GIGYF2: variants seen among roughly 807,000 people sequenced by gnomAD.
The protein encoded by GIGYF2 is GRB10 interacting GYF protein 2.
A neutral mutation model predicts 208.1 loss-of-function variants in GIGYF2; 25 were observed. The observed-to-expected ratio is 0.12, with a 90% CI of 0.09 to 0.17. The LOEUF (loss-of-function observed/expected upper bound fraction) is 0.17, where lower values mean the gene tolerates loss of function less well. Among genes scored for constraint, GIGYF2 ranks in the 10% least tolerant of loss-of-function variants. GIGYF2 has a pLI of 1.00. For synonymous variants in GIGYF2, 534 were observed against 543.8 expected (o/e 0.98, Z 0.25); for missense variants, 1,302 against 1,579.4 (o/e 0.82, Z 2.98).
chr2:232,808,996 G>A (rs973261935), intron 15 of GIGYF2, among the ~76,000 whole-genome samples: 5 of 152,140 alleles, frequency 3.3e-5, no homozygotes, highest in African/African-American at 1.2e-4. Flanking sequence ...CCAGGCTGGA[G>A]TGCAGTGGCG....
chr2:232,721,412 T>C (rs927050511), intron 2 of GIGYF2, among the ~76,000 whole-genome samples: 3 of 152,228 alleles, frequency 2.0e-5, no homozygotes, highest in African/African-American at 7.2e-5. Flanking sequence ...TTTCTTGTGG[T>C]AACTTAAGCC....
intron 2 of GIGYF2, among the ~76,000 whole-genome samples, chr2:232,707,518 G>A (rs1477037854): frequency 6.6e-6 from 1 of 152,158 alleles, no homozygotes; most frequent in African/African-American, 2.4e-5. Flanking sequence ...ACCATGACCA[G>A]ATGTCTTCAG....
At chr2:232,810,052 A>G (rs1700686725) in intron 16 of GIGYF2, among the ~76,000 whole-genome samples, 1 of 152,184 alleles carries the variant, frequency 6.6e-6, no homozygotes, top group African/African-American at 2.4e-5. Flanking sequence ...CAGTGGCATG[A>G]TCTCGGCTCA....
chr2:232,837,568 G>C (rs1440146489), intron 22 of GIGYF2, among the ~76,000 whole-genome samples: 2 of 151,986 alleles, frequency 1.3e-5, no homozygotes, highest in Admixed American at 6.6e-5. Flanking sequence ...GATCCTCCTG[G>C]CCTCAGCCTC....
intron 2 of GIGYF2, among the ~76,000 whole-genome samples, chr2:232,710,694 T>G (rs1696351822): frequency 1.7e-5 from 1 of 59,540 alleles, no homozygotes; most frequent in Non-Finnish European, 3.4e-5. Context: ...TTGGTGTTCT[T>G]TTTTTTTTTT....
chr2:232,815,893 T>A (rs1700891912), intron 19 of GIGYF2, 156 bp downstream of exon 19: 2 of 616,340 alleles, frequency 3.2e-6, no homozygotes, highest in African/African-American at 1.9e-5. Context: ...TTTACTGTGC[T>A]CTCTTCTCCC....
intron 28 of GIGYF2, among the ~76,000 whole-genome samples, chr2:232,856,135 A>G (rs985141231): frequency 5.9e-5 from 9 of 151,842 alleles, no homozygotes; most frequent in Non-Finnish European, 8.8e-5. Flanking sequence ...AGGTTTCACT[A>G]TGTTAGCCAG....
At chr2:232,774,249 TG>T (rs1339696369) in intron 8 of GIGYF2, among the ~76,000 whole-genome samples, 1 of 152,222 alleles carries the variant, frequency 6.6e-6, no homozygotes. Context: ...GCTTAGCCTT[TG>T]TGAATAATAC....
At chr2:232,726,241 C>T (rs998191366) in intron 2 of GIGYF2, among the ~76,000 whole-genome samples, 4 of 151,868 alleles carry the variant, frequency 2.6e-5, no homozygotes, top group Admixed American at 6.6e-5. Flanking sequence ...TGGTGTTCGG[C>T]GCCTGTAATC....
chr2:232,776,408 TA>T, intron 8 of GIGYF2: 2 of 1,566,728 alleles, frequency 1.3e-6, no homozygotes, highest in Non-Finnish European at 1.8e-6. Flanking sequence ...CTGTTTCCCA[TA>T]AGGAAAGAAG....
chr2:232,777,048 T>A (rs1202203115), intron 8 of GIGYF2, among the ~76,000 whole-genome samples: 2 of 152,156 alleles, frequency 1.3e-5, no homozygotes, highest in African/African-American at 2.4e-5. Context: ...ATGGCTACCA[T>A]TAGTTCCAGA....
In GIGYF2 at chr2:232,776,642, T is replaced by C. The variant is rs1311131756; in HGVS notation, c.533-10508T>C. ...GCTGAGGTTGATGTGATTGGTCACT[T>C]AGCCTGCAGGGGGGCCAATTAGCTC... On this transcript the variant is annotated intron_variant, in intron 8 of 28. Coordinates refer to ENST00000373563, the MANE Select transcript of GIGYF2 (RefSeq NM_001103146.3). The C allele has an allele frequency of 8.2e-6, 5 of 606,722 alleles. No homozygotes were observed. In the African/African-American group the frequency reaches 9.2e-5, roughly 11 times the overall value. 37.6% of individuals were successfully genotyped at this position (606,722 alleles called of 1,614,324 possible).
intron 9 of GIGYF2, among the ~76,000 whole-genome samples, chr2:232,789,502 C>T (rs902132658): frequency 6.6e-6 from 1 of 152,076 alleles, no homozygotes; most frequent in Non-Finnish European, 1.5e-5. Flanking sequence ...TTCCTTAGTT[C>T]TCATAGGAAG....
intron 2 of GIGYF2, among the ~76,000 whole-genome samples, chr2:232,707,410 T>C (rs1696168162): frequency 6.6e-6 from 1 of 152,178 alleles, no homozygotes; most frequent in Admixed American, 6.5e-5. Flanking sequence ...GTCTTGGTAC[T>C]TTCTACTTGA....
intron 28 of GIGYF2, among the ~76,000 whole-genome samples, chr2:232,856,549 C>T (rs1050945086): frequency 1.2e-4 from 18 of 152,084 alleles, no homozygotes; most frequent in Admixed American, 3.3e-4. Context: ...AAAAATGAGA[C>T]GGGCATGGTG....
chr2:232,757,714 G>A (rs1456587926), intron 6 of GIGYF2, among the ~76,000 whole-genome samples: 2 of 151,274 alleles, frequency 1.3e-5, no homozygotes, highest in African/African-American at 2.4e-5. Context: ...TGGTGAAGAA[G>A]TGTGAATAAC....
At chr2:232,714,903 A>G (rs1696608542) in intron 2 of GIGYF2, among the ~76,000 whole-genome samples, 3 of 151,228 alleles carry the variant, frequency 2.0e-5, no homozygotes, top group South Asian at 4.2e-4. Context: ...CCCATTAGTT[A>G]TTTTTCCCGA....
chr2:232,824,669 G>C (rs11883745), intron 21 of GIGYF2, among the ~76,000 whole-genome samples: 11,416 of 152,298 alleles, frequency 0.075, 543 homozygotes, highest in East Asian at 0.17. Context: ...TGATGTAGAA[G>C]CTGCAGCAAG....
At chr2:232,783,136 A>G (rs1182667669) in intron 8 of GIGYF2, among the ~76,000 whole-genome samples, 1 of 152,210 alleles carries the variant, frequency 6.6e-6, no homozygotes, top group Non-Finnish European at 1.5e-5. Flanking sequence ...GGCTGTACTA[A>G]CAAAAGAGAG....
Sources: allele counts gnomAD v4.1 joint callset (sites outside exome capture counted in the v4.1 genomes callset), GRCh38; gene constraint gnomAD v4.1.1; transcripts MANE v1.5; gene names NCBI Gene and HGNC (gene_info 2026-07-23, HGNC 2026-07-21).